OGG1: variants seen among roughly 807,000 people sequenced by gnomAD.
OGG1 encodes the protein 8-oxoguanine DNA glycosylase.
Under a neutral mutation model 42.3 loss-of-function variants are expected in OGG1, and 35 were observed. That is an observed-to-expected ratio of 0.83 (90% CI 0.63 to 1.10). The LOEUF (loss-of-function observed/expected upper bound fraction) is 1.10, where lower values mean the gene tolerates loss of function less well. Ranked by LOEUF, OGG1 falls within the 50% of genes least tolerant of loss-of-function variation. The pLI, the probability that OGG1 is intolerant of heterozygous loss-of-function variation, is 0.00. For synonymous variants in OGG1, 189 were observed against 179.0 expected, an observed-to-expected ratio of 1.06 and a Z score of -0.44; for missense variants, 484 against 446.7, an observed-to-expected ratio of 1.08 and a Z score of -0.75.
intron 2 of OGG1, among the ~76,000 whole-genome samples, chr3:9,776,443 G>A (rs2078366163): frequency 7.2e-6 from 1 of 139,556 alleles, no homozygotes; most frequent in Non-Finnish European, 1.5e-5. Flanking sequence ...AGGCTGGAGT[G>A]CAGTGGCGCG....
intron 3 of OGG1, among the ~76,000 whole-genome samples, chr3:9,786,185 C>G (rs1395386051): frequency 1.3e-5 from 2 of 152,058 alleles, no homozygotes; most frequent in Non-Finnish European, 2.9e-5. Flanking sequence ...GTGATCCGCC[C>G]GCCTCAGCCT....
chr3:9,757,233 A>T lies in OGG1; in HGVS notation c.*83A>T. 1 of 1,613,858 alleles carries T rather than the reference A, an allele frequency of 6.2e-7. No individual in the cohort carries two copies. The highest frequency in any genetic ancestry group is 8.5e-7 in the Non-Finnish European group (1 of 1,179,882). ...TCTCTCCCCATCCCCACCCAGTCTC[A>T]TGTTGGGGAGGGGCCTCCCTGTGAC... On this transcript the variant is annotated 3_prime_UTR_variant, in exon 7 of 7. Coordinates refer to ENST00000344629, the MANE Select transcript of OGG1 (RefSeq NM_002542.6). The surrounding 1 kb of genome is among the most constrained non-coding windows in gnomAD (Gnocchi z 4.5).
rs780264038 is a variant in OGG1 at position 9,751,202 on chromosome 3, G to A, written c.385+10G>A. ...GCTCAGAAATTCCAAGGTGAGTACA[G>A]GACCTGGGCTGGGGTTAGGGTTCTT... On this transcript the variant is annotated intron_variant, in intron 2 of 6. Coordinates refer to ENST00000344629, the MANE Select transcript of OGG1 (RefSeq NM_002542.6). 9 of 1,613,438 alleles carry A rather than the reference G, an allele frequency of 5.6e-6. No individual in the cohort carries two copies. Among genetic ancestry groups the A allele is most frequent in the Non-Finnish European group, 7.6e-6 (9 of 1,179,688 alleles).
intron 2 of OGG1, among the ~76,000 whole-genome samples, chr3:9,779,394 G>C (rs1292097058): frequency 6.6e-6 from 1 of 152,110 alleles, no homozygotes; most frequent in Non-Finnish European, 1.5e-5. Context: ...GGATGTAAAT[G>C]AGGAAGCATC....
chr3:9,754,688 T>A lies in OGG1; in HGVS notation c.566-16T>A. 1.9e-6 allele frequency: 3 copies of A among 1,613,278 alleles called. No individual in the cohort carries two copies. Among genetic ancestry groups the A allele is most frequent in the Non-Finnish European group, 2.5e-6 (3 of 1,179,642 alleles). On this transcript the variant is annotated splice_polypyrimidine_tract_variant and intron_variant, in intron 3 of 6. Coordinates refer to ENST00000344629, the MANE Select transcript of OGG1 (RefSeq NM_002542.6). Reference sequence around the variant, plus strand: ...TGAAGATGCCTGATGCTTGCCCTCCTCCTCACTCCCCGCAGGGCCAGAGGT... The same window carrying A: ...TGAAGATGCCTGATGCTTGCCCTCCACCTCACTCCCCGCAGGGCCAGAGGT...
At chr3:9,752,824 G>T (rs976512295) in intron 3 of OGG1, among the ~76,000 whole-genome samples, 3 of 152,136 alleles carry the variant, frequency 2.0e-5, no homozygotes, top group Admixed American at 1.3e-4. Flanking sequence ...GTCGAGGCAG[G>T]CAGATCATCT....
At chr3:9,758,030 ACG>A, downstream of OGG1, 1 of 834,374 alleles carries the variant, frequency 1.2e-6, no homozygotes, top group Non-Finnish European at 1.8e-6. Flanking sequence ...ACACACACAC[ACG>A]CACATATGTT....
chr3:9,761,497 A>C, downstream of OGG1: 1 of 1,613,492 alleles, frequency 6.2e-7, no homozygotes, highest in Non-Finnish European at 8.5e-7. Context: ...CCAGCAATCC[A>C]CAGCCTTGCT....
At chr3:9,780,308 C>T (rs773913512) in intron 2 of OGG1, 28 of 1,548,728 alleles carry the variant, frequency 1.8e-5, no homozygotes, top group Non-Finnish European at 2.4e-5. Flanking sequence ...AAGTGGGCCT[C>T]CCTTCCCCTC....
At chr3:9,764,550 G>A (rs2078046185) in intron 7 of OGG1, among the ~76,000 whole-genome samples, 1 of 150,988 alleles carries the variant, frequency 6.6e-6, no homozygotes, top group Admixed American at 6.6e-5. Flanking sequence ...CACCTCAGGT[G>A]ATCTGCCCAC....
At chr3:9,759,920 T>C (rs569758650), downstream of OGG1, 62 of 1,024,930 alleles carry the variant, frequency 6.0e-5, no homozygotes, top group Non-Finnish European at 7.9e-5. Context: ...TCCCACCCCG[T>C]GCCTTCCAGC....
At chr3:9,757,590 G>A, downstream of OGG1, 1 of 1,614,148 alleles carries the variant, frequency 6.2e-7, no homozygotes, top group Admixed American at 1.7e-5. This position sits in a 1 kb window ranked among gnomAD's most constrained non-coding sequence, Gnocchi z 4.5. Context: ...GCTCCACGCA[G>A]CAGTCTCGAC....
At chr3:9,782,433 G>A (rs2078497958) in intron 3 of OGG1, among the ~76,000 whole-genome samples, 1 of 152,162 alleles carries the variant, frequency 6.6e-6, no homozygotes, top group African/African-American at 2.4e-5. Flanking sequence ...TTGAGAGAGT[G>A]TACATAAAGC....
chr3:9,753,233 A>T (rs1296519142), intron 3 of OGG1, among the ~76,000 whole-genome samples: 1 of 151,624 alleles, frequency 6.6e-6, no homozygotes, highest in East Asian at 1.9e-4. Context: ...AATCCCAGCT[A>T]CTCAGGAGGC....
At chr3:9,753,318 TGGGCGACA>T (rs201533424) in intron 3 of OGG1, among the ~76,000 whole-genome samples, 5,753 of 135,014 alleles carry the variant, frequency 0.043, 173 homozygotes, top group East Asian at 0.071. Flanking sequence ...CACTCCAGCC[TGGGCGACA>T]GGGCGACAGG....
chr3:9,768,559 C>T (rs562352134), downstream of OGG1, among the ~76,000 whole-genome samples: 23 of 152,316 alleles, frequency 1.5e-4, no homozygotes, highest in African/African-American at 5.5e-4. Flanking sequence ...GAGGCTGGCT[C>T]CAGAGGCCCT....
chr3:9,751,213 G>A (rs1479902058), intron 2 of OGG1, 21 bp downstream of exon 2: 1 of 1,612,272 alleles, frequency 6.2e-7, no homozygotes, highest in Middle Eastern at 1.7e-4. Flanking sequence ...GACCTGGGCT[G>A]GGGTTAGGGT....
At chr3:9,766,869 C>T (rs2078168723), downstream of OGG1, 1 of 159,096 alleles carries the variant, frequency 6.3e-6, no homozygotes, top group African/African-American at 2.4e-5. Context: ...TCCTGAATTG[C>T]ACACCTGCCA....
At chr3:9,761,385 C>G (rs1196004092), downstream of OGG1, 5 of 1,454,254 alleles carry the variant, frequency 3.4e-6, no homozygotes, top group Non-Finnish European at 4.7e-6. Context: ...AGAGGGAGAG[C>G]AGAGGAAGGA....
Sources: allele counts gnomAD v4.1 joint callset (sites outside exome capture counted in the v4.1 genomes callset), GRCh38; gene constraint gnomAD v4.1.1; non-coding constraint Gnocchi (gnomAD v3.1); transcripts MANE v1.5; gene names NCBI Gene and HGNC (gene_info 2026-07-23, HGNC 2026-07-21).